THRB: variants seen among roughly 807,000 people sequenced by gnomAD.
THRB encodes the protein thyroid hormone receptor beta, also known as nuclear receptor subfamily 1 group A member 2.
A neutral mutation model predicts 47.8 loss-of-function variants in THRB; 12 were observed. That is an observed-to-expected ratio of 0.25 (90% CI 0.16 to 0.41). The LOEUF (loss-of-function observed/expected upper bound fraction) is 0.41, where lower values mean the gene tolerates loss of function less well. THRB is among the 10% of genes least tolerant of loss of function. THRB has a pLI of 1.00. For missense variants in THRB, 348 were observed against 589.2 expected (o/e 0.59, Z 4.24); for synonymous variants, 218 against 212.2 (o/e 1.03, Z -0.24).
intron 2 of THRB, among the ~76,000 whole-genome samples, chr3:24,316,009 C>T (rs755328976): frequency 3.9e-5 from 6 of 152,048 alleles, no homozygotes; most frequent in Non-Finnish European, 7.4e-5. Flanking sequence ...TTTGAAAGTG[C>T]TCCATGTGAC....
intron 4 of THRB, among the ~76,000 whole-genome samples, chr3:24,215,650 A>C (rs1157365657): frequency 6.6e-6 from 1 of 152,186 alleles, no homozygotes; most frequent in Non-Finnish European, 1.5e-5. Context: ...ACACAGACTC[A>C]TTATCAAAAT....
chr3:24,354,544 A>G (rs916816230), intron 1 of THRB, among the ~76,000 whole-genome samples: 1 of 152,086 alleles, frequency 6.6e-6, no homozygotes, highest in Non-Finnish European at 1.5e-5. Context: ...GTGTCTGCCA[A>G]TCTTAGGCTA....
chr3:24,427,719 C>T (rs1018508052), intron 1 of THRB, among the ~76,000 whole-genome samples: 2 of 151,940 alleles, frequency 1.3e-5, no homozygotes, highest in Non-Finnish European at 2.9e-5. Context: ...TTTAACTTTC[C>T]TGTAAGCTAA....
At chr3:24,468,679 G>A (rs189131461) in intron 1 of THRB, among the ~76,000 whole-genome samples, 13 of 152,238 alleles carry the variant, frequency 8.5e-5, no homozygotes, top group South Asian at 4.1e-4. Context: ...TATGGGTGTC[G>A]TTTGTACTGC....
At chr3:24,446,491 C>T (rs1186203111) in intron 1 of THRB, among the ~76,000 whole-genome samples, 1 of 150,612 alleles carries the variant, frequency 6.6e-6, no homozygotes, top group African/African-American at 2.4e-5. Context: ...TTGTGTGTTT[C>T]TGCAAAAGTG....
intron 3 of THRB, among the ~76,000 whole-genome samples, chr3:24,271,017 T>TA (rs1375584640): frequency 6.6e-6 from 1 of 152,182 alleles, no homozygotes; most frequent in Non-Finnish European, 1.5e-5. Context: ...ATTTTTCCTT[T>TA]AGAGATAACA....
chr3:24,182,288 T>G lies in THRB; in HGVS notation c.283+7786A>C, dbSNP rs1398183693. The stretch of plus-strand genomic sequence containing the variant: ...TAGAATTATAAGCATTCAGGGCAAC[T>G]TGTAGGAGATGTCCTGGGGAAGGGA... On this transcript the variant is annotated intron_variant, in intron 5 of 10. Transcript: ENST00000646209. Among the ~76,000 whole-genome samples the G allele has an allele frequency of 2.0e-5, 3 of 152,172 alleles. No individual in the cohort carries two copies. The East Asian group carries it at 5.8e-4, about 29-fold the overall frequency.
In THRB at chr3:24,122,524, T is replaced by C. The variant is rs1443766855; in HGVS notation, c.*360A>G. Reference sequence around the variant, plus strand: ...ATTGGGTGGAGGTGGTCGTATTATCTTGGTTTTAAGGCTTCTTTAGTGTCC... The same window carrying C: ...ATTGGGTGGAGGTGGTCGTATTATCCTGGTTTTAAGGCTTCTTTAGTGTCC... On this transcript the variant is annotated 3_prime_UTR_variant, in exon 11 of 11. Coordinates refer to ENST00000646209, the MANE Select transcript of THRB (RefSeq NM_001354712.2). 1 of 346,600 alleles carries C rather than the reference T, an allele frequency of 2.9e-6. No individual in the cohort carries two copies. The highest frequency in any genetic ancestry group is 4.1e-5 in the Admixed American group (1 of 24,564). 21.5% of individuals were successfully genotyped at this position (346,600 alleles called of 1,614,324 possible).
chr3:24,417,769 C>A (rs528858506), intron 1 of THRB, among the ~76,000 whole-genome samples: 9 of 152,054 alleles, frequency 5.9e-5, no homozygotes, highest in Admixed American at 2.0e-4. Context: ...CGCATGCCAG[C>A]ACTTTATATT....
At chr3:24,303,431 A>G (rs17787325) in intron 2 of THRB, among the ~76,000 whole-genome samples, 16,329 of 152,126 alleles carry the variant, frequency 0.11, 1,083 homozygotes, top group African/African-American at 0.19. Context: ...GAGTTTTTCC[A>G]ATGTTCTAGT....
chr3:24,132,244 C>G (rs2033973718), intron 9 of THRB, among the ~76,000 whole-genome samples: 1 of 152,168 alleles, frequency 6.6e-6, no homozygotes, highest in Non-Finnish European at 1.5e-5. Flanking sequence ...GTGACCCTCT[C>G]TATTTGGTAT....
rs140686554 is a variant in THRB, at chr3:24,371,127, A to G, written c.-260-33756T>C. Among the ~76,000 whole-genome samples the G allele has an allele frequency of 2.7e-3, 413 of 152,266 alleles. 2 individuals carry two copies. Among genetic ancestry groups the G allele is most frequent in the African/African-American group, 9.7e-3 (404 of 41,568 alleles). On this transcript the variant is annotated intron_variant, in intron 1 of 10. Transcript: ENST00000646209. ...CTAAATCCATTCTCTTAACCTGTAT[A>G]GTATATTTCTGAGCAATAGAGTGGT...
intron 1 of THRB, among the ~76,000 whole-genome samples, chr3:24,382,334 A>G (rs949233719): frequency 6.6e-6 from 1 of 152,166 alleles, no homozygotes; most frequent in African/African-American, 2.4e-5. Context: ...AGGTGACTGT[A>G]TATTTTTTCT....
At chr3:24,228,268 G>A (rs1294329734) in intron 4 of THRB, among the ~76,000 whole-genome samples, 1 of 152,108 alleles carries the variant, frequency 6.6e-6, no homozygotes, top group African/African-American at 2.4e-5. Flanking sequence ...TTGTGCTATT[G>A]CAACCTTGTA....
intron 3 of THRB, among the ~76,000 whole-genome samples, chr3:24,240,081 G>T (rs1456161303): frequency 6.6e-6 from 1 of 152,148 alleles, no homozygotes; most frequent in Non-Finnish European, 1.5e-5. Flanking sequence ...CAGATTTTGG[G>T]AACCATGGCT....
intron 4 of THRB, among the ~76,000 whole-genome samples, chr3:24,209,693 G>A (rs2045808573): frequency 6.6e-6 from 1 of 152,188 alleles, no homozygotes; most frequent in African/African-American, 2.4e-5. Context: ...GCGGAGCGGG[G>A]AGGGATAGCA....
intron 1 of THRB, among the ~76,000 whole-genome samples, chr3:24,394,638 TCAAA>T (rs2066815141): frequency 6.6e-6 from 1 of 152,002 alleles, no homozygotes; most frequent in Non-Finnish European, 1.5e-5. Context: ...CTTTCCTCAC[TCAAA>T]CAGGCAGGAG....
At chr3:24,373,695 A>G (rs190954021) in intron 1 of THRB, among the ~76,000 whole-genome samples, 18 of 152,238 alleles carry the variant, frequency 1.2e-4, no homozygotes, top group Admixed American at 1.0e-3. Flanking sequence ...CCAACTAAAT[A>G]TGGCCTGAGA....
At chr3:24,390,463 G>C (rs2066476145) in intron 1 of THRB, among the ~76,000 whole-genome samples, 1 of 152,006 alleles carries the variant, frequency 6.6e-6, no homozygotes, top group African/African-American at 2.4e-5. Context: ...AAATGTGTTA[G>C]GTCTTGCATG....
Sources: gnomAD v4.1 joint callset for allele counts (sites outside exome capture counted in the v4.1 genomes callset) on GRCh38, gnomAD v4.1.1 for gene constraint, MANE v1.5 for transcripts, NCBI Gene and HGNC (gene_info 2026-07-23, HGNC 2026-07-21) for gene names.